The following KDM4D variants were observed in gnomAD, a reference collection of about 807,000 sequenced individuals.
KDM4D encodes the protein lysine demethylase 4D.
For synonymous variants in KDM4D, 254 were observed against 249.1 expected (o/e 1.02, Z -0.19); for missense variants, 427 against 674.8 (o/e 0.63, Z 4.07).
chr11:94,995,434 A>T (rs1857967836), intron 2 of KDM4D, among the ~76,000 whole-genome samples: 2 of 152,226 alleles, frequency 1.3e-5, no homozygotes, highest in African/African-American at 2.4e-5. Context: ...ACTACAGGAT[A>T]TGAAAGAAGA....
At chr11:94,989,743 T>A (rs1857917964) in intron 2 of KDM4D, among the ~76,000 whole-genome samples, 1 of 118,020 alleles carries the variant, frequency 8.5e-6, no homozygotes, top group Non-Finnish European at 1.8e-5. Flanking sequence ...TCTCTCTCTC[T>A]CTCTCTTTCT....
rs116253611 is a variant in KDM4D at position 94,985,751 on chromosome 11, A to T, written c.-350+10003A>T. Among the ~76,000 whole-genome samples, 1,187 of 152,354 alleles carry T rather than the reference A, an allele frequency of 7.8e-3. 14 individuals carry two copies. Among genetic ancestry groups the T allele is most frequent in the African/African-American group, 0.027 (1,122 of 41,570 alleles). On this transcript the variant is annotated intron_variant, in intron 2 of 2. Coordinates refer to ENST00000335080, the MANE Select transcript of KDM4D (RefSeq NM_018039.3). The stretch of plus-strand genomic sequence containing the variant: ...AACGGTTCAATGGAATAGAATTGAA[A>T]GTCCAAAATAAACCCTTAGGTTTAT...
chr11:94,980,599 T>C (rs1857835081), intron 2 of KDM4D, among the ~76,000 whole-genome samples: 1 of 152,204 alleles, frequency 6.6e-6, no homozygotes, highest in Non-Finnish European at 1.5e-5. Context: ...AATATGCTTC[T>C]CTAAGTACAT....
chr11:94,980,428 G>A lies in KDM4D; in HGVS notation c.-350+4680G>A, dbSNP rs587690735. Among the ~76,000 whole-genome samples, 3 of 152,150 alleles carry A rather than the reference G, an allele frequency of 2.0e-5. No individual in the cohort carries two copies. In the East Asian group the frequency reaches 5.8e-4, roughly 29 times the overall value. ...ATAAAATTCAGGAGCCAATTGTCAAGTTCCACAAAAATACTTTTGGAATTT... is the reference window on the plus strand; with the variant it reads ...ATAAAATTCAGGAGCCAATTGTCAAATTCCACAAAAATACTTTTGGAATTT... On this transcript the variant is annotated intron_variant, in intron 2 of 2. Transcript: ENST00000335080.
intron 2 of KDM4D, among the ~76,000 whole-genome samples, chr11:94,993,402 A>C (rs1282824310): frequency 6.6e-6 from 1 of 152,184 alleles, no homozygotes; most frequent in African/African-American, 2.4e-5. Flanking sequence ...CAGTTGAAAG[A>C]AGCAAGTAGT....
chr11:94,974,880 C>T (rs1362374946), intron 1 of KDM4D, among the ~76,000 whole-genome samples: 1 of 152,174 alleles, frequency 6.6e-6, no homozygotes, highest in African/African-American at 2.4e-5. Context: ...ATCCTACAGT[C>T]AGTGTTGCAT....
intron 2 of KDM4D, among the ~76,000 whole-genome samples, chr11:94,989,788 C>CTTGCCCAGGCTGGA: frequency 8.7e-6 from 1 of 114,320 alleles, no homozygotes; most frequent in Admixed American, 1.2e-4. Flanking sequence ...TTTCACTCTT[C>CTTGCCCAGGCTGGA]TTGCCCAGGC....
chr11:94,997,706 A>G lies in KDM4D; in HGVS notation c.334A>G (p.Thr112Ala), dbSNP rs782707759. Residue 112 changes from threonine (T) to alanine (A), a missense_variant, in exon 3 of 3, where the codon ACT becomes GCT. Coordinates refer to ENST00000335080, the MANE Select transcript of KDM4D (RefSeq NM_018039.3). Reference sequence around the variant, plus strand: ...TTTGGCAAACAGTAAAAAATATCAGACTCCACCACACCAGAATTTCGAAGA... The same window carrying G: ...TTTGGCAAACAGTAAAAAATATCAGGCTCCACCACACCAGAATTTCGAAGA... ...RHLANSKKYQ[T>A]PPHQNFEDLE... The G allele has an allele frequency of 1.2e-6, 2 of 1,614,044 alleles. No homozygotes were observed. Among genetic ancestry groups the G allele is most frequent in the African/African-American group, 2.7e-5 (2 of 74,894 alleles).
chr11:94,998,682 C>T lies in KDM4D; in HGVS notation c.1310C>T (p.Pro437Leu), dbSNP rs1857998993. Residue 437 changes from proline (P) to leucine (L), a missense_variant, in exon 3 of 3, where the codon CCT (proline) becomes CTT (leucine). Pro to Leu is a moderately conservative substitution (Grantham distance 98). Transcript: ENST00000335080. This position sits in a 1 kb window ranked among gnomAD's most constrained non-coding sequence, Gnocchi z 6.7. ...KKPSSTPSSTPGPSAQIIHPS... is the reference protein window; with the variant it reads ...KKPSSTPSSTLGPSAQIIHPS... ...CCCAGCTCAACTCCATCATCCACCC[C>T]TGGTCCATCTGCACAGATTATCCAC... 1.9e-6 allele frequency: 3 copies of T among 1,614,116 alleles called. No homozygotes were observed. In the Admixed American group the frequency reaches 5.0e-5, roughly 27 times the overall value.
At chr11:94,986,086 G>T (rs1014757445) in intron 2 of KDM4D, among the ~76,000 whole-genome samples, 4 of 152,126 alleles carry the variant, frequency 2.6e-5, no homozygotes, top group Non-Finnish European at 5.9e-5. Context: ...CACTTCGAAA[G>T]ACATAGTCAA....
Position 94,999,352 on chromosome 11 carries a change from C to T in KDM4D, c.*408C>T, listed in dbSNP as rs1422011445. The stretch of plus-strand genomic sequence containing the variant: ...TTCAGTCTACGCATTTCTCTCTTCC[C>T]CTCCCTCACCCCCTTTTTCTTATAA... On this transcript the variant is annotated 3_prime_UTR_variant, in exon 3 of 3. Transcript: ENST00000335080. 1 of 170,826 alleles carries T rather than the reference C, an allele frequency of 5.9e-6. No individual in the cohort carries two copies. Among genetic ancestry groups the T allele is most frequent in the Admixed American group, 6.5e-5 (1 of 15,430 alleles). 10.6% of individuals were successfully genotyped at this position (170,826 alleles called of 1,614,324 possible).
Position 94,982,458 on chromosome 11 carries a change from G to C in KDM4D, c.-350+6710G>C, listed in dbSNP as rs192184079. Among the ~76,000 whole-genome samples, 446 of 150,082 alleles carry C rather than the reference G, an allele frequency of 3.0e-3. 1 individual carries two copies. The highest frequency in any genetic ancestry group is 0.011 in the African/African-American group (430 of 40,846). Reference sequence around the variant, plus strand: ...TAGAGCCACTCTTATTAAAATCTTAGATGAGTATAGAATTTCTACCAACTC... The same window carrying C: ...TAGAGCCACTCTTATTAAAATCTTACATGAGTATAGAATTTCTACCAACTC... On this transcript the variant is annotated intron_variant, in intron 2 of 2. Coordinates refer to ENST00000335080, the MANE Select transcript of KDM4D (RefSeq NM_018039.3).
chr11:94,991,932 A>G (rs1555098736), intron 2 of KDM4D, among the ~76,000 whole-genome samples: 1 of 152,102 alleles, frequency 6.6e-6, no homozygotes, highest in East Asian at 1.9e-4. Flanking sequence ...CAACACACAT[A>G]ATGAACAGGT....
intron 2 of KDM4D, among the ~76,000 whole-genome samples, chr11:94,983,387 C>T (rs1555097787): frequency 1.3e-5 from 2 of 151,580 alleles, no homozygotes; most frequent in Non-Finnish European, 2.9e-5. Flanking sequence ...CTTTTTGACC[C>T]CCAAAGAATA....
intron 2 of KDM4D, among the ~76,000 whole-genome samples, chr11:94,980,055 T>A (rs376902713): frequency 6.6e-6 from 1 of 152,230 alleles, no homozygotes; most frequent in African/African-American, 2.4e-5. Flanking sequence ...TATGGATTTC[T>A]ATGATTTCTT....
At chr11:94,984,363 C>G (rs1026881387) in intron 2 of KDM4D, among the ~76,000 whole-genome samples, 3 of 151,760 alleles carry the variant, frequency 2.0e-5, no homozygotes, top group Non-Finnish European at 2.9e-5. Context: ...GGCATGGTAG[C>G]CTGCGCCTAT....
chr11:94,974,233 A>G (rs897066552), intron 1 of KDM4D, among the ~76,000 whole-genome samples, 165 bp downstream of exon 1: 2 of 152,236 alleles, frequency 1.3e-5, no homozygotes, highest in Non-Finnish European at 2.9e-5. Context: ...ACAAGATGTA[A>G]TTATTAAGAT....
At chr11:94,982,819 A>G (rs188064284) in intron 2 of KDM4D, among the ~76,000 whole-genome samples, 9 of 152,122 alleles carry the variant, frequency 5.9e-5, no homozygotes, top group African/African-American at 9.6e-5. Context: ...TATCTTTTTG[A>G]TGCAAATCTG....
intron 2 of KDM4D, among the ~76,000 whole-genome samples, chr11:94,988,839 G>A (rs587702075): frequency 1.3e-5 from 2 of 152,280 alleles, no homozygotes; most frequent in South Asian, 4.1e-4. Context: ...AACCAGGAAG[G>A]AGACTTGAGA....
Sources: allele counts gnomAD v4.1 joint callset (sites outside exome capture counted in the v4.1 genomes callset), GRCh38; gene constraint gnomAD v4.1.1; non-coding constraint Gnocchi (gnomAD v3.1); transcripts MANE v1.5; gene names NCBI Gene and HGNC (gene_info 2026-07-23, HGNC 2026-07-21).